Variants in STT3A observed in about 807,000 individuals in gnomAD.
The protein encoded by STT3A is dolichyl-diphosphooligosaccharide--protein glycosyltransferase subunit STT3A.
In STT3A, 34 loss-of-function variants were observed where a neutral mutation model predicts 89.2. That is an observed-to-expected ratio of 0.38 (90% CI 0.29 to 0.51). STT3A has a LOEUF of 0.51. STT3A is among the 20% of genes least tolerant of loss of function. STT3A has a pLI of 0.89. For missense variants in STT3A, 555 were observed against 889.5 expected (o/e 0.62, Z 4.78); for synonymous variants, 282 against 310.3 (o/e 0.91, Z 0.96).
intron 16 of STT3A, among the ~76,000 whole-genome samples, chr11:125,619,342 G>A (rs1260507252): frequency 6.6e-6 from 1 of 151,914 alleles, no homozygotes; most frequent in Non-Finnish European, 1.5e-5. Context: ...TTACAGGCAT[G>A]AGCCACCGCA....
chr11:125,605,137 G>GAA (rs57173218), intron 6 of STT3A, among the ~76,000 whole-genome samples: 203 of 146,194 alleles, frequency 1.4e-3, no homozygotes, highest in Non-Finnish European at 2.0e-3. Flanking sequence ...ATTTTTTTAA[G>GAA]AAAAAAAAAA....
chr11:125,604,852 CCT>C (rs1264649200), intron 6 of STT3A, among the ~76,000 whole-genome samples: 1 of 152,156 alleles, frequency 6.6e-6, no homozygotes, highest in African/African-American at 2.4e-5. Context: ...TGGCTCACGC[CCT>C]GTTATCCAGT....
intron 9 of STT3A, 51 bp from the exon 10 acceptor site, chr11:125,609,383 A>T (rs776011744): frequency 2.6e-6 from 4 of 1,511,126 alleles, no homozygotes; most frequent in Non-Finnish European, 2.7e-6. Flanking sequence ...TTTGGATCAG[A>T]TGTTTGTTTG....
intron 11 of STT3A, among the ~76,000 whole-genome samples, chr11:125,611,934 G>A (rs1940035291): frequency 7.5e-6 from 1 of 132,486 alleles, no homozygotes; most frequent in South Asian, 2.6e-4. Flanking sequence ...CTGGAGAGCA[G>A]TGGCGTGGTC....
At chr11:125,611,603 T>C (rs200327009) in intron 11 of STT3A, 84 bp downstream of exon 11, 2 of 1,248,790 alleles carry the variant, frequency 1.6e-6, no homozygotes, top group East Asian at 2.4e-5. Flanking sequence ...CAGAAAGTAC[T>C]GATGATTGTG....
At chr11:125,612,454 C>G in intron 11 of STT3A, 138 bp from the exon 12 acceptor site, 1 of 927,802 alleles carries the variant, frequency 1.1e-6, no homozygotes, top group Non-Finnish European at 1.6e-6. Context: ...GCAACTGTTT[C>G]AAGTATTTTC....
In STT3A at chr11:125,614,258, G is replaced by A. The variant is rs1940107068; in HGVS notation, c.1671+55G>A. The A allele has an allele frequency of 1.9e-6, 3 of 1,612,328 alleles. No homozygotes were observed. The highest frequency in any genetic ancestry group is 1.7e-6 in the Non-Finnish European group (2 of 1,178,374). On this transcript the variant is annotated intron_variant, in intron 14 of 17. Transcript: ENST00000392708. This position sits in a 1 kb window ranked among gnomAD's most constrained non-coding sequence, Gnocchi z 4.9. ...TGGTGTACAAGGTCTAATGGGAAAT[G>A]TGTCTGCATGAGGGGATCATATGAC...
chr11:125,596,027 T>C, intron 2 of STT3A, 24 bp downstream of exon 2: 1 of 1,544,510 alleles, frequency 6.5e-7, no homozygotes, highest in Non-Finnish European at 8.9e-7. Context: ...TGAACCTCTC[T>C]TTCTTTGGGG....
chr11:125,611,863 A>ATTTTTTTTTTTT (rs59685125), intron 11 of STT3A, among the ~76,000 whole-genome samples: 3 of 56,972 alleles, frequency 5.3e-5, no homozygotes, highest in African/African-American at 1.3e-4. Context: ...AGGGATTTGA[A>ATTTTTTTTTTTT]TTTTTTTTTT....
intron 5 of STT3A, 124 bp downstream of exon 5, chr11:125,603,072 C>T (rs1292587301): frequency 8.3e-7 from 1 of 1,200,916 alleles, no homozygotes; most frequent in East Asian, 2.5e-5. Flanking sequence ...ACAGCTTTTA[C>T]TGGGCCAAAT....
chr11:125,620,734 C>G (rs770177071), intron 17 of STT3A, 38 bp from the exon 18 acceptor site: 1 of 1,605,040 alleles, frequency 6.2e-7, no homozygotes, highest in East Asian at 2.2e-5. Context: ...CAAAGTTGAT[C>G]TGATTGTAAA....
intron 6 of STT3A, 50 bp downstream of exon 6, chr11:125,604,297 A>C (rs1287951025): frequency 1.3e-6 from 2 of 1,582,356 alleles, no homozygotes; most frequent in Non-Finnish European, 1.7e-6. Flanking sequence ...ATTATCCAAC[A>C]GAGCTTCACA....
chr11:125,613,999 C>T lies in STT3A; in HGVS notation c.1555-88C>T. On this transcript the variant is annotated intron_variant, in intron 13 of 17. Coordinates refer to ENST00000392708, the MANE Select transcript of STT3A (RefSeq NM_152713.5). This position sits in a 1 kb window ranked among gnomAD's most constrained non-coding sequence, Gnocchi z 4.2. ...TTGATTAGTTAGCCAGGTGTCACTT[C>T]TGTCAGACCAAAGATGCCTTCTCTG... 8.6e-7 allele frequency: 1 copy of T among 1,169,220 alleles called. No homozygotes were observed. The highest frequency in any genetic ancestry group is 2.4e-5 in the East Asian group (1 of 42,228). The allele number at this position is 1,169,220 out of a possible 1,614,324, so 72.4% of individuals were successfully genotyped here. A position where few individuals can be genotyped will look rare whatever the true frequency, so the allele number is the denominator to read the frequency against.
In STT3A at chr11:125,614,549, C is replaced by G; in HGVS notation, c.1774+123C>G. Reference sequence around the variant, plus strand: ...GATATTTTTCTTTCATGGGAAGTTCCTAAGTATTTGCAACTTGAGGTTTGG... The same window carrying G: ...GATATTTTTCTTTCATGGGAAGTTCGTAAGTATTTGCAACTTGAGGTTTGG... On this transcript the variant is annotated intron_variant, in intron 15 of 17. Coordinates refer to ENST00000392708, the MANE Select transcript of STT3A (RefSeq NM_152713.5). This position sits in a 1 kb window ranked among gnomAD's most constrained non-coding sequence, Gnocchi z 4.9. The G allele has an allele frequency of 1.0e-6, 1 of 993,814 alleles. No homozygotes were observed. Among genetic ancestry groups the G allele is most frequent in the Non-Finnish European group, 1.5e-6 (1 of 684,152 alleles). 61.6% of individuals were successfully genotyped at this position (993,814 alleles called of 1,614,324 possible). A position where few individuals can be genotyped will look rare whatever the true frequency, so the allele number is the denominator to read the frequency against.
Position 125,611,435 on chromosome 11 carries a change from C to T in STT3A, c.1125C>T (p.Leu375=), listed in dbSNP as rs778613977. ...TCCTTCCCTCTTTTGTAGTTGGCCT[C>T]TATTACTGCTTTAGCAACCTGTCTG... The part of the protein sequence containing the change: ...QLLVFMFPVG[L]YYCFSNLSDA... Residue 375 remains leucine, a synonymous_variant, in exon 11 of 18, where the codon CTC becomes CTT. Transcript: ENST00000392708. 7.4e-6 allele frequency: 12 copies of T among 1,613,780 alleles called. No individual in the cohort carries two copies. The highest frequency in any genetic ancestry group is 3.3e-5 in the Admixed American group (2 of 59,994).
Position 125,620,028 on chromosome 11 carries a change from G to A in STT3A, c.1981G>A (p.Asp661Asn). 4 of 1,614,056 alleles carry A rather than the reference G, an allele frequency of 2.5e-6. No homozygotes were observed. Among genetic ancestry groups the A allele is most frequent in the Non-Finnish European group, 3.4e-6 (4 of 1,179,990 alleles). ...CTCTCTAGAGCGTCCTCCAGGCTTT[G>A]ACCGTGTCCGAAATGCTGAGATTGG... is the stretch of plus-strand genomic sequence containing the variant. ...YTEAKRPPGF[D>N]RVRNAEIGNK... Residue 661 changes from aspartate to asparagine, a missense_variant, in exon 17 of 18, where the codon GAC becomes AAC. By Grantham distance (23) the Asp-to-Asn change is conservative. Transcript: ENST00000392708.
At position 125,606,648 on chromosome 11, in the gene STT3A, A is replaced by C. The variant is rs3740901; in HGVS notation, c.780+183A>C. Among the ~76,000 whole-genome samples, 43,960 of 152,090 alleles carry C rather than the reference A, an allele frequency of 0.29. 6,569 individuals carry two copies. The highest frequency in any genetic ancestry group is 0.48 in the East Asian group (2,498 of 5,152). ...TAAAGTTTGCATCCAGGAGTCTGCT[A>C]ATATTTGCTCCGTGGAGTTTGAATT... is the stretch of plus-strand genomic sequence containing the variant. On this transcript the variant is annotated intron_variant, in intron 8 of 17. Coordinates refer to ENST00000392708, the MANE Select transcript of STT3A (RefSeq NM_152713.5).
At chr11:125,609,797 A>G (rs2135932828) in intron 10 of STT3A, 2 of 472,184 alleles carry the variant, frequency 4.2e-6, no homozygotes, top group Non-Finnish European at 3.6e-6. Flanking sequence ...TCAGCCTCAC[A>G]GTTTTCTGTT....
intron 3 of STT3A, among the ~76,000 whole-genome samples, chr11:125,598,020 T>A (rs1427729544): frequency 6.6e-6 from 1 of 152,172 alleles, no homozygotes; most frequent in Non-Finnish European, 1.5e-5. Context: ...GAGACCAGCC[T>A]GGCCAACATA....
Sources: gnomAD v4.1 joint callset for allele counts (sites outside exome capture counted in the v4.1 genomes callset) on GRCh38, gnomAD v4.1.1 for gene constraint, Gnocchi (gnomAD v3.1) non-coding constraint, MANE v1.5 for transcripts, NCBI Gene and HGNC (gene_info 2026-07-23, HGNC 2026-07-21) for gene names.